The following SHC1 variants were observed in gnomAD, a reference collection of about 807,000 sequenced individuals.
SHC1 encodes SHC adaptor protein 1, also known as SHC-transforming protein 1.
In SHC1, 30 loss-of-function variants were observed where a neutral mutation model predicts 55.9. That is an observed-to-expected ratio of 0.54 (90% confidence interval 0.40 to 0.73). The LOEUF (loss-of-function observed/expected upper bound fraction) is 0.73. Among genes scored for constraint, SHC1 ranks in the 30% least tolerant of loss-of-function variants. The pLI, the probability that SHC1 is intolerant of heterozygous loss-of-function variation, is 0.00. For synonymous variants in SHC1, 309 were observed against 306.1 expected (o/e 1.01, Z -0.10); for missense variants, 675 against 777.1 (o/e 0.87, Z 1.56).
At position 154,966,008 on chromosome 1, in the gene SHC1, C is replaced by A; in HGVS notation, c.1325G>T (p.Gly442Val). 1 of 1,614,078 alleles carries A rather than the reference C, an allele frequency of 6.2e-7. No homozygotes were observed. Among genetic ancestry groups the A allele is most frequent in the Non-Finnish European group, 8.5e-7 (1 of 1,179,998 alleles). Reference protein sequence around the residue: ...QNLDKARQAVGGAGPPNPAIN... With the variant: ...QNLDKARQAVVGAGPPNPAIN... ...AGCAGGATTGGGGGGCCCAGCACCACCCACTGCTTGCCGGGCCTTGTCTAG... is the reference window on the plus strand; with the variant it reads ...AGCAGGATTGGGGGGCCCAGCACCAACCACTGCTTGCCGGGCCTTGTCTAG... The change falls in exon 10 of 12, where the codon GGT becomes GTT. Residue 442 changes from glycine (G) to valine (V), a missense_variant. Physicochemically the swap from Gly to Val is moderately radical, Grantham distance 109. Coordinates refer to ENST00000448116, the MANE Select transcript of SHC1 (RefSeq NM_001130040.2).
chr1:154,965,557 C>T lies in SHC1; in HGVS notation c.1612G>A (p.Asp538Asn), dbSNP rs1189767027. ...GCCACACTCACCACACCCTCAGGGT[C>T]CACCAGTAGCAAATGCTTAGGCTGC... ...SGQPKHLLLV[D>N]PEGVVRTKDH... The change falls in exon 11 of 12, where the codon GAC (aspartate) becomes AAC (asparagine). Residue 538 changes from aspartate (D) to asparagine (N), a missense_variant. Physicochemically the swap from Asp to Asn is conservative, Grantham distance 23. Around this residue, in one of 3 missense-constraint regions of SHC1, gnomAD observed 360 missense variants for 371.1 expected, o/e 0.97. Transcript: ENST00000448116. The T allele has an allele frequency of 5.0e-6, 8 of 1,614,184 alleles. No homozygotes were observed. Among genetic ancestry groups the T allele is most frequent in the Non-Finnish European group, 6.8e-6 (8 of 1,180,040 alleles).
In SHC1 at chr1:154,969,362, C is replaced by T. The variant is rs745570338; in HGVS notation, c.566+16G>A. ...CTAATCCCAGGACTCCCACAATCCA[C>T]TCCCTCCCCACTAACCTGGTGACCT... is the stretch of plus-strand genomic sequence containing the variant. On this transcript the variant is annotated intron_variant, in intron 2 of 11. Coordinates refer to ENST00000448116, the MANE Select transcript of SHC1 (RefSeq NM_001130040.2). 1 of 1,590,412 alleles carries T rather than the reference C, an allele frequency of 6.3e-7. No individual in the cohort carries two copies. Among genetic ancestry groups the T allele is most frequent in the Non-Finnish European group, 8.6e-7 (1 of 1,161,692 alleles).
chr1:154,973,800 G>T (rs1334215913), upstream of SHC1, among the ~76,000 whole-genome samples: 2 of 152,194 alleles, frequency 1.3e-5, no homozygotes, highest in Non-Finnish European at 2.9e-5. Flanking sequence ...ACTTCTGGGC[G>T]GGGAGGCTTT....
At chr1:154,969,891 G>C (rs1238407124) in intron 1 of SHC1, 141 bp downstream of exon 1, 1 of 954,138 alleles carries the variant, frequency 1.0e-6, no homozygotes. Flanking sequence ...ATCGGGGAAG[G>C]GATGAGAAAG....
Position 154,963,713 on chromosome 1 carries a change from C to T in SHC1, c.*90G>A. 6.9e-7 allele frequency: 1 copy of T among 1,447,412 alleles called. No homozygotes were observed. Among genetic ancestry groups the T allele is most frequent in the Non-Finnish European group, 9.5e-7 (1 of 1,049,166 alleles). The allele number at this position is 1,447,412 out of a possible 1,614,324, so 89.7% of individuals were successfully genotyped here. A position where few individuals can be genotyped will look rare whatever the true frequency, so the allele number is the denominator to read the frequency against. ...CCCAGCTCTGACACAAGGCCAAGCC[C>T]ACAGAACACTCCCAAACGAGGTCCC... On this transcript the variant is annotated 3_prime_UTR_variant, in exon 12 of 12. Transcript: ENST00000448116.
upstream of SHC1, among the ~76,000 whole-genome samples, chr1:154,972,116 C>T (rs373835268): frequency 2.0e-5 from 3 of 151,716 alleles, no homozygotes; most frequent in Admixed American, 6.6e-5. Context: ...GGCGTGGTGG[C>T]GGGCACCTGT....
intron 11 of SHC1, chr1:154,965,152 T>G (rs1261001482): frequency 6.5e-6 from 1 of 154,056 alleles, no homozygotes; most frequent in Non-Finnish European, 1.4e-5. Flanking sequence ...TTCTCCTGCC[T>G]CAGCCTCCTG....
chr1:154,966,991 C>T (rs893530243), intron 7 of SHC1, among the ~76,000 whole-genome samples: 4 of 152,120 alleles, frequency 2.6e-5, no homozygotes, highest in Non-Finnish European at 5.9e-5. Context: ...CACCTGTAGC[C>T]CCAGCTACTC....
Position 154,965,789 on chromosome 1 carries a change from T to C in SHC1, c.1388-8A>G, listed in dbSNP as rs778456406. The C allele has an allele frequency of 3.7e-6, 6 of 1,606,204 alleles. No homozygotes were observed. The highest frequency in any genetic ancestry group is 5.1e-6 in the Non-Finnish European group (6 of 1,174,376). ...GAGCATCTTCGAAGGGCTCTGGAAGTATAGAGGGAGGGTGAGGGGAAGTAG... is the reference window on the plus strand; with the variant it reads ...GAGCATCTTCGAAGGGCTCTGGAAGCATAGAGGGAGGGTGAGGGGAAGTAG... On this transcript the variant is annotated splice_region_variant and splice_polypyrimidine_tract_variant and intron_variant, in intron 10 of 11. Coordinates refer to ENST00000448116, the MANE Select transcript of SHC1 (RefSeq NM_001130040.2).
chr1:154,966,924 G>A (rs1656062526), intron 7 of SHC1, among the ~76,000 whole-genome samples: 1 of 152,170 alleles, frequency 6.6e-6, no homozygotes, highest in Non-Finnish European at 1.5e-5. Context: ...ACAACATAGC[G>A]AGACCTTATC....
In SHC1 at chr1:154,968,551, T is replaced by C. The variant is rs778955223; in HGVS notation, c.694A>G (p.Ile232Val). The C allele has an allele frequency of 2.9e-5, 46 of 1,613,978 alleles. No homozygotes were observed. Among genetic ancestry groups the C allele is most frequent in the African/African-American group, 1.2e-4 (9 of 74,886 alleles). ...RSNLKFAGMP[I>V]TLTVSTSSLN... ...CTGCTGGTGGAGACGGTGAGAGTGA[T>C]TGGCATTCCAGCAAATTTCAGGTTA... The change falls in exon 4 of 12, where the codon ATC becomes GTC. Residue 232 changes from isoleucine to valine, a missense_variant. Physicochemically the swap from Ile to Val is conservative, Grantham distance 29. Coordinates refer to ENST00000448116, the MANE Select transcript of SHC1 (RefSeq NM_001130040.2).
chr1:154,969,193 G>A (rs1372943896), intron 2 of SHC1, among the ~76,000 whole-genome samples, 185 bp downstream of exon 2: 1 of 152,208 alleles, frequency 6.6e-6, no homozygotes, highest in Non-Finnish European at 1.5e-5. Flanking sequence ...TAGGTAAGGA[G>A]GATCCGGGCC....
intron 7 of SHC1, among the ~76,000 whole-genome samples, chr1:154,966,735 G>A (rs910701771): frequency 2.0e-5 from 3 of 152,218 alleles, no homozygotes; most frequent in African/African-American, 4.8e-5. Flanking sequence ...AGGGTCAGAG[G>A]TGAAAAGATC....
Position 154,970,186 on chromosome 1 carries a change from A to G in SHC1, c.341T>C (p.Leu114Pro), listed in dbSNP as rs1439988219. 5 of 1,613,558 alleles carry G rather than the reference A, an allele frequency of 3.1e-6. No homozygotes were observed. Among genetic ancestry groups the G allele is most frequent in the Admixed American group, 1.7e-5 (1 of 59,998 alleles). Residue 114 changes from leucine to proline, a missense_variant, in exon 1 of 12, where the codon CTG becomes CCG. Transcript: ENST00000448116. This position sits in a 1 kb window ranked among gnomAD's most constrained non-coding sequence, Gnocchi z 5.5. ...PLPLLQDMNK[L>P]SGGGGRRTRV... Reference sequence around the variant, plus strand: ...AGTCCTGCGCCCGCCGCCTCCACTCAGCTTGTTCATGTCCTGGAGGAGGGG... The same window carrying G: ...AGTCCTGCGCCCGCCGCCTCCACTCGGCTTGTTCATGTCCTGGAGGAGGGG...
At chr1:154,968,070 A>ACTCCTGACCCC (rs1417673104) in intron 5 of SHC1, 39 bp from the exon 6 acceptor site, 2 of 1,609,730 alleles carry the variant, frequency 1.2e-6, no homozygotes, top group South Asian at 2.2e-5. Context: ...GTTCTACTTT[A>ACTCCTGACCCC]CTCCTGACCC....
intron 7 of SHC1, 30 bp from the exon 8 acceptor site, chr1:154,966,547 G>A (rs973434333): frequency 6.8e-6 from 10 of 1,472,674 alleles, no homozygotes; most frequent in African/African-American, 1.4e-5. Flanking sequence ...AGCTGTGGCT[G>A]TAAATGTGTG....
chr1:154,968,718 AC>A (rs1656340071), intron 3 of SHC1, 52 bp downstream of exon 3: 4 of 1,607,060 alleles, frequency 2.5e-6, no homozygotes, highest in Non-Finnish European at 3.4e-6. Flanking sequence ...TTGCCTCCCC[AC>A]TGCCCCTCCA....
intron 1 of SHC1, among the ~76,000 whole-genome samples, chr1:154,969,778 C>T (rs1021488780): frequency 7.6e-5 from 11 of 145,260 alleles, no homozygotes; most frequent in Admixed American, 5.7e-4. Context: ...TTATTAAGAG[C>T]TTCTGCCATG....
intron 11 of SHC1, 195 bp from the exon 12 acceptor site, chr1:154,964,126 G>A: frequency 4.0e-6 from 3 of 750,124 alleles, no homozygotes; most frequent in Non-Finnish European, 7.4e-6. Context: ...ACAGGTCAGT[G>A]AAGTGAGAAA....
Sources: allele counts gnomAD v4.1 joint callset (sites outside exome capture counted in the v4.1 genomes callset), GRCh38; gene constraint gnomAD v4.1.1; regional missense constraint gnomAD v4.1.1; non-coding constraint Gnocchi (gnomAD v3.1); transcripts MANE v1.5; gene names NCBI Gene and HGNC (gene_info 2026-07-23, HGNC 2026-07-21).